Variants in PPP6R2 observed in about 807,000 individuals in gnomAD.
PPP6R2 encodes the protein protein phosphatase 6 regulatory subunit 2.
In PPP6R2, 62 loss-of-function variants were observed where a neutral mutation model predicts 100.2. The ratio of observed to expected loss-of-function variants is 0.62; its 90% confidence interval spans 0.50 to 0.76. The LOEUF (loss-of-function observed/expected upper bound fraction) is 0.76, where lower values mean the gene tolerates loss of function less well. PPP6R2 is among the 30% of genes least tolerant of loss of function. The pLI, the probability that PPP6R2 is intolerant of heterozygous loss-of-function variation, is 0.00. For synonymous variants in PPP6R2, 525 were observed against 514.7 expected (o/e 1.02, Z -0.27); for missense variants, 1,142 against 1,276.3 (o/e 0.89, Z 1.60).
upstream of PPP6R2, among the ~76,000 whole-genome samples, chr22:50,339,400 ATGTGGTG>A (rs1201638425): frequency 1.8e-5 from 1 of 56,634 alleles, no homozygotes; most frequent in Non-Finnish European, 3.4e-5. Context: ...TGTGTGTGGT[ATGTGGTG>A]TGTGTGTAGG....
chr22:50,335,678 A>ATTTTTTTTTTTTTTTTT, the PPP6R2 span, among the ~76,000 whole-genome samples: 43 of 128,960 alleles, frequency 3.3e-4, no homozygotes, highest in Non-Finnish European at 3.9e-4. Flanking sequence ...CACCCAACTA[A>ATTTTTTTTTTTTTTTTT]TTTTTTTTTT....
In PPP6R2 at chr22:50,427,781, C is replaced by T. The variant is rs185554035; in HGVS notation, c.1126-3392C>T. On this transcript the variant is annotated intron_variant, in intron 10 of 23. Transcript: ENST00000612753. ...TGTCGCCCAGGCTGGAGTGCAGTGG[C>T]GCGATCTCGGCTCACTGCAGGCTCC... 3.3e-3 allele frequency among the ~76,000 whole-genome samples: 509 copies of T among 152,282 alleles called. 1 individual carries two copies. Among genetic ancestry groups the T allele is most frequent in the Admixed American group, 6.5e-3 (99 of 15,292 alleles).
chr22:50,365,837 C>T (rs2048666361), intron 1 of PPP6R2, among the ~76,000 whole-genome samples: 1 of 152,104 alleles, frequency 6.6e-6, no homozygotes, highest in South Asian at 2.1e-4. Context: ...TCAAGTGATT[C>T]TCCCACCTTG....
Position 50,435,148 on chromosome 22 carries a change from T to G in PPP6R2, c.1516+67T>G. 3.8e-6 allele frequency: 5 copies of G among 1,315,168 alleles called. No homozygotes were observed. In the South Asian group the frequency reaches 6.1e-5, roughly 16 times the overall value. The allele number at this position is 1,315,168 out of a possible 1,614,324, so 81.5% of individuals were successfully genotyped here. Reference sequence around the variant, plus strand: ...CCGGGACCCCGAAGGAGCTGCCGCCTGAGACTAAGCTCTGCCCGGCAGCAG... The same window carrying G: ...CCGGGACCCCGAAGGAGCTGCCGCCGGAGACTAAGCTCTGCCCGGCAGCAG... On this transcript the variant is annotated intron_variant, in intron 13 of 23. Coordinates refer to ENST00000612753, the MANE Select transcript of PPP6R2 (RefSeq NM_001242898.2).
intron 12 of PPP6R2, among the ~76,000 whole-genome samples, chr22:50,434,194 T>C (rs1437511856): frequency 1.6e-5 from 1 of 62,200 alleles, no homozygotes; most frequent in Non-Finnish European, 3.2e-5. Context: ...GGGCATTTGC[T>C]CTGGAGGTGA....
At chr22:50,341,722 C>T (rs1319089759), upstream of PPP6R2, among the ~76,000 whole-genome samples, 3 of 151,966 alleles carry the variant, frequency 2.0e-5, no homozygotes, top group Non-Finnish European at 2.9e-5. Context: ...TGGCCGGGCG[C>T]GGCGGCTCAG....
At chr22:50,368,637 C>G (rs954721526) in intron 1 of PPP6R2, among the ~76,000 whole-genome samples, 22 of 152,076 alleles carry the variant, frequency 1.4e-4, no homozygotes, top group African/African-American at 5.3e-4. Flanking sequence ...AGCTCGTGCC[C>G]TCAGTCTCTT....
chr22:50,333,934 G>A, the PPP6R2 span, among the ~76,000 whole-genome samples: 2 of 152,228 alleles, frequency 1.3e-5, no homozygotes, highest in African/African-American at 2.4e-5. Context: ...GTGTCCATGG[G>A]CCAGGGGGCC....
intron 18 of PPP6R2, 81 bp downstream of exon 18, chr22:50,438,379 G>C (rs2064854546): frequency 1.3e-6 from 2 of 1,549,924 alleles, no homozygotes; most frequent in South Asian, 2.5e-5. Flanking sequence ...CCTGTGGTTC[G>C]TTAGCTGGCT....
At chr22:50,338,901 GGTGT>G (rs1416701885), upstream of PPP6R2, among the ~76,000 whole-genome samples, 1 of 102,138 alleles carries the variant, frequency 9.8e-6, no homozygotes, top group South Asian at 3.8e-4. Flanking sequence ...GGGTATGTGT[GGTGT>G]GTGTGGTAGT....
chr22:50,430,905 G>C (rs1165220149), intron 10 of PPP6R2, among the ~76,000 whole-genome samples: 2 of 150,722 alleles, frequency 1.3e-5, no homozygotes, highest in East Asian at 1.9e-4. Context: ...TAAACCCGCA[G>C]AAAGTAGAAA....
At chr22:50,427,400 G>A (rs769986341) in intron 10 of PPP6R2, among the ~76,000 whole-genome samples, 10 of 152,174 alleles carry the variant, frequency 6.6e-5, no homozygotes, top group Non-Finnish European at 1.3e-4. Context: ...GATTCTGTAT[G>A]AATTTGGGGA....
intron 10 of PPP6R2, among the ~76,000 whole-genome samples, chr22:50,429,739 A>C (rs1488030303): frequency 6.6e-6 from 1 of 152,138 alleles, no homozygotes; most frequent in Non-Finnish European, 1.5e-5. Flanking sequence ...CAACAAAATA[A>C]ATGTTTGGTA....
chr22:50,418,977 G>A lies in PPP6R2; in HGVS notation c.729G>A (p.Glu243=). The change falls in exon 7 of 24, where the codon GAG becomes GAA. Residue 243 remains glutamate, a splice_region_variant and synonymous_variant. Coordinates refer to ENST00000612753, the MANE Select transcript of PPP6R2 (RefSeq NM_001242898.2). ...CAGACCCGCTCCTCACAGCGCTGGA[G>A]TCGTGAGTGCTGGTGGGCCGTGGTG... ...LEPDPLLTAL[E]SQDCVEQLLK... 6.2e-7 allele frequency: 1 copy of A among 1,611,824 alleles called. No homozygotes were observed. The highest frequency in any genetic ancestry group is 8.5e-7 in the Non-Finnish European group (1 of 1,177,956).
At chr22:50,414,523 G>C (rs201664082) in intron 4 of PPP6R2, 29 bp from the exon 5 acceptor site, 1 of 1,609,810 alleles carries the variant, frequency 6.2e-7, no homozygotes, top group Non-Finnish European at 8.5e-7. Flanking sequence ...GGTCGGCCCC[G>C]CCTGCCTCTC....
Position 50,394,113 on chromosome 22 carries a change from A to C in PPP6R2, c.205A>C (p.Met69Leu). 1 of 1,614,108 alleles carries C rather than the reference A, an allele frequency of 6.2e-7. No individual in the cohort carries two copies. Among genetic ancestry groups the C allele is most frequent in the Non-Finnish European group, 8.5e-7 (1 of 1,179,996 alleles). ...CATCACACAGGATCCGCCCCTGGAC[A>C]TGGAGGAGAAGGTCCGCTTCAAGTA... ...SLITQDPPLD[M>L]EEKVRFKYPN... The change falls in exon 3 of 24, where the codon ATG (methionine) becomes CTG (leucine). Residue 69 changes from methionine to leucine, a missense_variant. Transcript: ENST00000612753.
At chr22:50,439,103 G>T (rs1306090442) in intron 19 of PPP6R2, among the ~76,000 whole-genome samples, 1 of 152,154 alleles carries the variant, frequency 6.6e-6, no homozygotes, top group African/African-American at 2.4e-5. Context: ...CAGGCCGGCC[G>T]CCACCTTCAT....
intron 2 of PPP6R2, among the ~76,000 whole-genome samples, chr22:50,389,756 G>T (rs1038492864): frequency 4.6e-5 from 7 of 151,796 alleles, no homozygotes; most frequent in African/African-American, 1.5e-4. Flanking sequence ...GCACCACCAT[G>T]CCTGGCTAAT....
rs561993155 is a variant in PPP6R2 at position 50,378,926 on chromosome 22, C to T, written c.-17+6776C>T. ...GGTGAGGCCTAGAATATGATGAGGC[C>T]GTGAGGGCTCCACTCTCATGAATGG... is the stretch of plus-strand genomic sequence containing the variant. On this transcript the variant is annotated intron_variant, in intron 2 of 23. Transcript: ENST00000612753. 7.3e-5 allele frequency among the ~76,000 whole-genome samples: 11 copies of T among 151,496 alleles called. No individual in the cohort carries two copies. The South Asian group carries it at 1.0e-3, about 14-fold the overall frequency.
Sources: gnomAD v4.1 joint callset for allele counts (sites outside exome capture counted in the v4.1 genomes callset) on GRCh38, gnomAD v4.1.1 for gene constraint, MANE v1.5 for transcripts, NCBI Gene and HGNC (gene_info 2026-07-23, HGNC 2026-07-21) for gene names.